Variants in FBXL5 observed in about 807,000 individuals in gnomAD.
The protein encoded by FBXL5 is F-box/LRR-repeat protein 5.
In FBXL5, 26 loss-of-function variants were observed where a neutral mutation model predicts 78.3. That is an observed-to-expected ratio of 0.33 (90% CI 0.24 to 0.46). The LOEUF (loss-of-function observed/expected upper bound fraction) is 0.46. Ranked by LOEUF, FBXL5 falls within the 20% of genes least tolerant of loss-of-function variation. The pLI is 1.00. For missense variants in FBXL5, 710 were observed against 829.2 expected, an observed-to-expected ratio of 0.86 and a Z score of 1.77; for synonymous variants, 295 against 282.5, an observed-to-expected ratio of 1.04 and a Z score of -0.45.
intron 5 of FBXL5, among the ~76,000 whole-genome samples, chr4:15,633,455 T>A (rs935028817): frequency 6.6e-6 from 1 of 152,172 alleles, no homozygotes; most frequent in Non-Finnish European, 1.5e-5. Context: ...AGTCAACCAG[T>A]CAGCAGTTCA....
rs1174016777 is a variant in FBXL5, at chr4:15,650,290, C to G, written c.84+4914G>C. ...AAAACTGTTTTTCAAATACTGTTAA[C>G]CATGACCTTCAGTATGAAATATAGT... On this transcript the variant is annotated intron_variant, in intron 1 of 10. Coordinates refer to ENST00000341285, the MANE Select transcript of FBXL5 (RefSeq NM_012161.4). Among the ~76,000 whole-genome samples the G allele has an allele frequency of 2.0e-5, 3 of 152,354 alleles. No individual in the cohort carries two copies. The East Asian group carries it at 5.8e-4, about 29-fold the overall frequency.
At chr4:15,615,790 A>G (rs552872881) in intron 9 of FBXL5, among the ~76,000 whole-genome samples, 2 of 152,166 alleles carry the variant, frequency 1.3e-5, no homozygotes, top group African/African-American at 4.8e-5. Flanking sequence ...AAAAAAGGCC[A>G]CTTGGCTCTA....
intron 1 of FBXL5, among the ~76,000 whole-genome samples, chr4:15,678,431 G>A (rs1188048711): frequency 2.6e-5 from 4 of 152,130 alleles, no homozygotes; most frequent in African/African-American, 7.2e-5. Flanking sequence ...GCATTGTAAC[G>A]ACCACTTGAT....
At chr4:15,678,727 T>A (rs771313876) in intron 1 of FBXL5, among the ~76,000 whole-genome samples, 1 of 152,236 alleles carries the variant, frequency 6.6e-6, no homozygotes, top group Non-Finnish European at 1.5e-5. Context: ...AATCAGCTTT[T>A]AATTATAAGC....
At chr4:15,620,758 C>G (rs1384179610) in intron 9 of FBXL5, among the ~76,000 whole-genome samples, 2 of 152,208 alleles carry the variant, frequency 1.3e-5, no homozygotes, top group East Asian at 3.9e-4. Context: ...CGGGGGTTTA[C>G]GGGAATGAGG....
chr4:15,608,288 A>G (rs1722017042), intron 10 of FBXL5, among the ~76,000 whole-genome samples: 2 of 152,078 alleles, frequency 1.3e-5, no homozygotes, highest in African/African-American at 4.8e-5. Flanking sequence ...AACAGATCAA[A>G]AAAGCTATTC....
upstream of FBXL5, among the ~76,000 whole-genome samples, chr4:15,664,415 T>C (rs1015957840): frequency 6.6e-6 from 1 of 152,078 alleles, no homozygotes; most frequent in Non-Finnish European, 1.5e-5. Context: ...CTAATTCCTA[T>C]TGAACAGGAC....
chr4:15,641,969 G>C lies in FBXL5; in HGVS notation c.301-1086C>G, dbSNP rs185005764. 2.9e-4 allele frequency among the ~76,000 whole-genome samples: 44 copies of C among 151,876 alleles called. No individual in the cohort carries two copies. The South Asian group carries it at 5.8e-3, about 20-fold the overall frequency. ...CTTGAACCTGGAAGAAGGAGGTTGC[G>C]GTGAGCCGAGATTGCACCACTGCAC... On this transcript the variant is annotated intron_variant, in intron 2 of 10. Transcript: ENST00000341285.
chr4:15,664,825 C>G (rs1485239410), upstream of FBXL5, among the ~76,000 whole-genome samples: 1 of 152,046 alleles, frequency 6.6e-6, no homozygotes, highest in Non-Finnish European at 1.5e-5. Flanking sequence ...TCCCAAAGTG[C>G]TGGGATTACA....
chr4:15,622,641 T>C (rs1251654134), intron 9 of FBXL5, among the ~76,000 whole-genome samples: 1 of 151,462 alleles, frequency 6.6e-6, no homozygotes, highest in Non-Finnish European at 1.5e-5. Flanking sequence ...ACAAACTGCA[T>C]GAAGGCAGAG....
At chr4:15,612,497 T>C (rs893833168) in intron 9 of FBXL5, 83 bp from the exon 10 acceptor site, 39 of 1,265,768 alleles carry the variant, frequency 3.1e-5, no homozygotes, top group Non-Finnish European at 4.1e-5. Context: ...ACCACTATTT[T>C]ACATACTTTT....
At chr4:15,654,442 C>T (rs1716566037) in intron 1 of FBXL5, among the ~76,000 whole-genome samples, 1 of 152,190 alleles carries the variant, frequency 6.6e-6, no homozygotes. Context: ...CAAAATGGTT[C>T]TCACAGTTAA....
chr4:15,637,236 T>C (rs963333171), intron 4 of FBXL5, among the ~76,000 whole-genome samples: 2 of 152,222 alleles, frequency 1.3e-5, no homozygotes, highest in Non-Finnish European at 2.9e-5. Context: ...CAGTTATTTA[T>C]GTTGCAGGTG....
intron 7 of FBXL5, among the ~76,000 whole-genome samples, chr4:15,627,350 G>A (rs1713174143): frequency 6.6e-6 from 1 of 152,068 alleles, no homozygotes; most frequent in South Asian, 2.1e-4. Context: ...GGCCAGGCTG[G>A]TCTTGAACTC....
chr4:15,661,964 T>C (rs139933033), upstream of FBXL5, among the ~76,000 whole-genome samples: 2 of 152,342 alleles, frequency 1.3e-5, no homozygotes, highest in African/African-American at 4.8e-5. Context: ...TGGTACTCTC[T>C]ATGGAGTTAC....
intron 1 of FBXL5, among the ~76,000 whole-genome samples, chr4:15,649,928 A>G (rs1715781384): frequency 6.6e-6 from 1 of 152,212 alleles, no homozygotes; most frequent in African/African-American, 2.4e-5. Context: ...CTAAAACTCT[A>G]ACATCTATGA....
chr4:15,617,372 T>C (rs1685769588), intron 9 of FBXL5, among the ~76,000 whole-genome samples: 2 of 151,182 alleles, frequency 1.3e-5, no homozygotes, highest in South Asian at 4.2e-4. Flanking sequence ...TGAAACTCCA[T>C]CTCTACTAAA....
intron 1 of FBXL5, among the ~76,000 whole-genome samples, chr4:15,666,268 G>A (rs1717541394): frequency 1.3e-5 from 2 of 152,000 alleles, no homozygotes; most frequent in Admixed American, 6.6e-5. Flanking sequence ...GTATGGTGGT[G>A]CATGCCTGTA....
chr4:15,650,465 T>C (rs1489167778), intron 1 of FBXL5, among the ~76,000 whole-genome samples: 2 of 152,140 alleles, frequency 1.3e-5, no homozygotes, highest in Non-Finnish European at 1.5e-5. Context: ...TATGACCTAC[T>C]ACTAATAGGT....
Sources: allele counts gnomAD v4.1 joint callset (sites outside exome capture counted in the v4.1 genomes callset), GRCh38; gene constraint gnomAD v4.1.1; transcripts MANE v1.5; gene names NCBI Gene and HGNC (gene_info 2026-07-23, HGNC 2026-07-21).